Variants in AQP7B observed in about 807,000 individuals in gnomAD.
AQP7B encodes putative aquaporin-7B.
At chr2:94,604,441 C>T in the AQP7B span, 31 of 1,611,350 alleles carry the variant, frequency 1.9e-5, no homozygotes, top group South Asian at 1.8e-4. Flanking sequence ...ACGGGATAAC[C>T]GTATTGCCCA....
the AQP7B span, chr2:94,603,315 C>T: frequency 6.6e-7 from 1 of 1,510,064 alleles, no homozygotes; most frequent in East Asian, 2.3e-5. Context: ...TAACCTATAA[C>T]CTCATTTCTG....
chr2:94,594,865 G>A, the AQP7B span: 12 of 1,531,954 alleles, frequency 7.8e-6, no homozygotes, highest in Non-Finnish European at 1.1e-5. Context: ...GAGCACATAT[G>A]TCATGATGGT....
At chr2:94,604,289 G>A in the AQP7B span, 33 of 1,600,950 alleles carry the variant, frequency 2.1e-5, no homozygotes, top group South Asian at 1.9e-4. Flanking sequence ...TGCCTGCAGC[G>A]ATGGGGAGAA....
At chr2:94,604,447 G>A in the AQP7B span, 1 of 1,611,486 alleles carries the variant, frequency 6.2e-7, no homozygotes, top group Non-Finnish European at 8.5e-7. Flanking sequence ...TAACCGTATT[G>A]CCCAAGATGG....
At chr2:94,602,403 G>A in the AQP7B span, 1 of 1,342,210 alleles carries the variant, frequency 7.5e-7, no homozygotes, top group Non-Finnish European at 1.0e-6. Context: ...CCCAGGGCAT[G>A]GGGGTGAGGA....
the AQP7B span, chr2:94,588,444 T>C: frequency 3.3e-6 from 2 of 605,784 alleles, no homozygotes; most frequent in East Asian, 2.8e-5. Context: ...GATGGAAGTG[T>C]GGGGCCAAGT....
the AQP7B span, among the ~76,000 whole-genome samples, chr2:94,602,143 C>A: frequency 6.6e-6 from 1 of 151,468 alleles, no homozygotes; most frequent in Non-Finnish European, 1.5e-5. Flanking sequence ...GTGTGAGGGA[C>A]TCTGAGGGGG....
At chr2:94,590,629 T>C in the AQP7B span, among the ~76,000 whole-genome samples, 1 of 151,850 alleles carries the variant, frequency 6.6e-6, no homozygotes. Context: ...AGTTAGTTGG[T>C]TTTTGATAGG....
the AQP7B span, chr2:94,602,963 C>T: frequency 1.4e-6 from 2 of 1,461,134 alleles, no homozygotes; most frequent in Admixed American, 2.0e-5. Context: ...CACTAGCCAT[C>T]GTTGTTCTCA....
the AQP7B span, chr2:94,603,330 C>T: frequency 1.3e-6 from 2 of 1,545,068 alleles, no homozygotes. Flanking sequence ...TTTCTGGGAC[C>T]CCAGTGGGGC....
chr2:94,589,332 T>A, the AQP7B span, among the ~76,000 whole-genome samples: 1 of 152,126 alleles, frequency 6.6e-6, no homozygotes, highest in Non-Finnish European at 1.5e-5. Flanking sequence ...CTTTGCTTTC[T>A]TCAAACAAGC....
At chr2:94,598,808 A>C in the AQP7B span, among the ~76,000 whole-genome samples, 3 of 152,024 alleles carry the variant, frequency 2.0e-5, no homozygotes, top group Non-Finnish European at 4.4e-5. Context: ...ATTTTATTTT[A>C]TTTATTTATT....
At chr2:94,592,417 AG>A in the AQP7B span, among the ~76,000 whole-genome samples, 1 of 152,156 alleles carries the variant, frequency 6.6e-6, no homozygotes, top group South Asian at 2.1e-4. Context: ...AAACAAAACC[AG>A]GGATGAGTAG....
chr2:94,592,604 G>T, the AQP7B span, among the ~76,000 whole-genome samples: 5 of 152,008 alleles, frequency 3.3e-5, no homozygotes, highest in Non-Finnish European at 5.9e-5. Context: ...TACCATAGAG[G>T]CAGGGGAGAG....
At chr2:94,602,801 CT>C in the AQP7B span, among the ~76,000 whole-genome samples, 56 of 152,342 alleles carry the variant, frequency 3.7e-4, no homozygotes, top group South Asian at 0.01. Context: ...CTGGGCCCCC[CT>C]GACCTACCAT....
At chr2:94,600,022 G>A in the AQP7B span, among the ~76,000 whole-genome samples, 1 of 151,996 alleles carries the variant, frequency 6.6e-6, no homozygotes, top group Non-Finnish European at 1.5e-5. Flanking sequence ...GGGATTACAG[G>A]CAAGCACCAC....
At chr2:94,588,093 C>T in the AQP7B span, among the ~76,000 whole-genome samples, 3 of 151,776 alleles carry the variant, frequency 2.0e-5, no homozygotes, top group African/African-American at 7.3e-5. Flanking sequence ...TGCATGTGTG[C>T]ATGTATGTGT....
the AQP7B span, among the ~76,000 whole-genome samples, chr2:94,591,001 G>T: frequency 1.3e-5 from 2 of 151,428 alleles, no homozygotes; most frequent in East Asian, 1.9e-4. Flanking sequence ...GCGTTAGTGA[G>T]TTGTTAGCTA....
At chr2:94,603,882 C>A in the AQP7B span, 2 of 1,368,756 alleles carry the variant, frequency 1.5e-6, no homozygotes, top group Non-Finnish European at 2.1e-6. Context: ...GGGACCCGCC[C>A]CCCAGCATCT....
Sources: gnomAD v4.1 joint callset for allele counts (sites outside exome capture counted in the v4.1 genomes callset) on GRCh38, gnomAD v4.1.1 for gene constraint, MANE v1.5 for transcripts, NCBI Gene and HGNC (gene_info 2026-07-23, HGNC 2026-07-21) for gene names.